The following YTHDF3 variants were observed in gnomAD, a reference collection of about 807,000 sequenced individuals.
YTHDF3 encodes YTH N6-methyladenosine RNA binding protein F3.
YTHDF3 carries 9 observed loss-of-function variants against 52.5 expected under a neutral mutation model. The ratio of observed to expected loss-of-function variants is 0.17; its 90% CI spans 0.10 to 0.30. The LOEUF (loss-of-function observed/expected upper bound fraction) is 0.30, where lower values mean the gene tolerates loss of function less well. Among genes scored for constraint, YTHDF3 ranks in the 10% least tolerant of loss-of-function variants. The pLI, the probability that YTHDF3 is intolerant of heterozygous loss-of-function variation, is 1.00. For missense variants in YTHDF3, 534 were observed against 715.0 expected (o/e 0.75, Z 2.89); for synonymous variants, 274 against 243.3 (o/e 1.13, Z -1.18).
At chr8:63,204,230 G>T (rs927849109) in intron 4 of YTHDF3, among the ~76,000 whole-genome samples, 1 of 151,520 alleles carries the variant, frequency 6.6e-6, no homozygotes, top group African/African-American at 2.4e-5. Flanking sequence ...GCTCTGTGAT[G>T]TGAGATATTT....
At chr8:63,205,621 A>G (rs540897003) in intron 4 of YTHDF3, among the ~76,000 whole-genome samples, 7 of 151,816 alleles carry the variant, frequency 4.6e-5, no homozygotes, top group African/African-American at 1.7e-4. Context: ...TTTAATAAAG[A>G]CAGGGTTTCC....
intron 4 of YTHDF3, among the ~76,000 whole-genome samples, chr8:63,196,561 T>TAA (rs945993019): frequency 3.8e-5 from 5 of 131,974 alleles, no homozygotes; most frequent in East Asian, 2.1e-4. Context: ...GACTCCGTCT[T>TAA]AAAAAAAAAA....
chr8:63,193,271 G>C (rs907774400), intron 4 of YTHDF3, among the ~76,000 whole-genome samples: 15 of 150,522 alleles, frequency 1.0e-4, no homozygotes, highest in Admixed American at 2.7e-4. Flanking sequence ...CCAGCTACTC[G>C]GGAGGCTGAG....
At chr8:63,188,702 T>TATATATATATATATATATA (rs71255383) in intron 4 of YTHDF3, 3 of 44,782 alleles carry the variant, frequency 6.7e-5, no homozygotes, top group African/African-American at 3.3e-4. Flanking sequence ...TATATATATA[T>TATATATATATATATATATA]TTTTTTTTTT....
In YTHDF3 at chr8:63,210,000, A is replaced by G. The variant is rs1325266423; in HGVS notation, c.*294A>G. The stretch of plus-strand genomic sequence containing the variant: ...TCCTAGCTAAGGCACAGAAGACTGA[A>G]TGAATGCAAGGATTCATTAACTCTT... On this transcript the variant is annotated 3_prime_UTR_variant, in exon 5 of 5. Coordinates refer to ENST00000539294, the MANE Select transcript of YTHDF3 (RefSeq NM_152758.6). The G allele has an allele frequency of 1.3e-5, 4 of 304,482 alleles. No individual in the cohort carries two copies. Among genetic ancestry groups the G allele is most frequent in the African/African-American group, 6.5e-5 (3 of 46,294 alleles). The allele number at this position is 304,482 out of a possible 1,614,324, so 18.9% of individuals were successfully genotyped here.
intron 2 of YTHDF3, among the ~76,000 whole-genome samples, chr8:63,171,266 C>T (rs184932307): frequency 5.9e-5 from 9 of 152,116 alleles, no homozygotes; most frequent in African/African-American, 2.2e-4. Flanking sequence ...TCAGAATCTC[C>T]CCTCTATAAA....
chr8:63,184,080 C>A (rs1300277237), intron 3 of YTHDF3, among the ~76,000 whole-genome samples: 1 of 152,118 alleles, frequency 6.6e-6, no homozygotes, highest in Non-Finnish European at 1.5e-5. Context: ...CTATTCATTT[C>A]TTTTTCCCAG....
Position 63,175,281 on chromosome 8 carries a change from C to T in YTHDF3, c.50-50C>T, listed in dbSNP as rs368382876. On this transcript the variant is annotated intron_variant, in intron 2 of 4. Transcript: ENST00000539294. ...ATATTAAAAACATTAGGTTGTGCTG[C>T]GAGTTTCATAAAGATAACTACAACA... is the stretch of plus-strand genomic sequence containing the variant. The T allele has an allele frequency of 1.3e-3, 1,805 of 1,354,320 alleles. 18 individuals carry two copies. The highest frequency in any genetic ancestry group is 3.3e-3 in the Middle Eastern group (18 of 5,476). 83.9% of individuals were successfully genotyped at this position (1,354,320 alleles called of 1,614,324 possible).
chr8:63,198,347 G>C (rs1809370762), intron 4 of YTHDF3, among the ~76,000 whole-genome samples: 1 of 151,922 alleles, frequency 6.6e-6, no homozygotes, highest in African/African-American at 2.4e-5. Context: ...GCTCACTGCA[G>C]TCTCCACCTT....
At chr8:63,207,822 G>GCA (rs1810131885) in intron 4 of YTHDF3, among the ~76,000 whole-genome samples, 1 of 152,108 alleles carries the variant, frequency 6.6e-6, no homozygotes, top group Non-Finnish European at 1.5e-5. Context: ...GGGAGAATGA[G>GCA]CAGATTGCCC....
At chr8:63,173,179 AAATAAG>A (rs754990328) in intron 2 of YTHDF3, among the ~76,000 whole-genome samples, 10 of 116,528 alleles carry the variant, frequency 8.6e-5, no homozygotes, top group Non-Finnish European at 1.4e-4. Flanking sequence ...AGAACAAAAA[AAATAAG>A]AATAACAGGA....
At chr8:63,190,672 A>G (rs1808857712) in intron 4 of YTHDF3, among the ~76,000 whole-genome samples, 2 of 152,206 alleles carry the variant, frequency 1.3e-5, no homozygotes, top group Non-Finnish European at 1.5e-5. Flanking sequence ...CAAATAAGGC[A>G]AATACCAACC....
chr8:63,186,038 A>T lies in YTHDF3; in HGVS notation c.136-109A>T, dbSNP rs1398336402. On this transcript the variant is annotated intron_variant, in intron 3 of 4. Transcript: ENST00000539294. ...AATTTTGTTTATCTAGAATAGGTAC[A>T]TCTTTTATTTTCATTTACTTAAAAC... 4 of 1,171,038 alleles carry T rather than the reference A, an allele frequency of 3.4e-6. No homozygotes were observed. In the African/African-American group the frequency reaches 6.2e-5, roughly 18 times the overall value. The allele number at this position is 1,171,038 out of a possible 1,614,324, so 72.5% of individuals were successfully genotyped here. A position where few individuals can be genotyped will look rare whatever the true frequency, so the allele number is the denominator to read the frequency against.
intron 4 of YTHDF3, among the ~76,000 whole-genome samples, chr8:63,191,438 T>C (rs1363892738): frequency 6.6e-6 from 1 of 152,200 alleles, no homozygotes; most frequent in Non-Finnish European, 1.5e-5. Context: ...TAGTATTTGT[T>C]TGCTTCTATT....
chr8:63,174,338 A>T (rs1807546326), intron 2 of YTHDF3, among the ~76,000 whole-genome samples: 1 of 152,238 alleles, frequency 6.6e-6, no homozygotes, highest in Non-Finnish European at 1.5e-5. Flanking sequence ...AAATGGTTCT[A>T]AAGTCATATT....
intron 4 of YTHDF3, among the ~76,000 whole-genome samples, chr8:63,201,142 G>C: frequency 6.6e-6 from 1 of 152,192 alleles, no homozygotes; most frequent in East Asian, 1.9e-4. Context: ...AATTAGATAT[G>C]TTGAAGTGTC....
intron 3 of YTHDF3, among the ~76,000 whole-genome samples, chr8:63,180,228 G>A (rs1026529692): frequency 4.6e-5 from 7 of 151,424 alleles, no homozygotes; most frequent in Admixed American, 1.3e-4. Context: ...CGGGGCGGTT[G>A]CCAGGCAGAG....
chr8:63,177,159 A>T (rs1431157877), intron 3 of YTHDF3, among the ~76,000 whole-genome samples: 1 of 152,202 alleles, frequency 6.6e-6, no homozygotes, highest in South Asian at 2.1e-4. Context: ...CAAGGAACCA[A>T]ATCTTACTAC....
chr8:63,170,191 A>T (rs1807217938), intron 2 of YTHDF3, among the ~76,000 whole-genome samples: 1 of 152,220 alleles, frequency 6.6e-6, no homozygotes, highest in Non-Finnish European at 1.5e-5. Flanking sequence ...CCAATTAAAT[A>T]ACATCAGAGC....
Sources: gnomAD v4.1 joint callset for allele counts (sites outside exome capture counted in the v4.1 genomes callset) on GRCh38, gnomAD v4.1.1 for gene constraint, MANE v1.5 for transcripts, NCBI Gene and HGNC (gene_info 2026-07-23, HGNC 2026-07-21) for gene names.